The following TNC variants were observed in gnomAD, a reference collection of about 807,000 sequenced individuals.
TNC encodes tenascin.
In TNC, 109 loss-of-function variants were observed where a neutral mutation model predicts 202.4. The ratio of observed to expected loss-of-function variants is 0.54; its 90% CI spans 0.46 to 0.63. TNC has a LOEUF of 0.63. TNC is among the 30% of genes least tolerant of loss of function. TNC has a pLI of 0.00. For synonymous variants in TNC, 1,007 were observed against 1,089.7 expected, an observed-to-expected ratio of 0.92 and a Z score of 1.50; for missense variants, 2,756 against 2,833.3, an observed-to-expected ratio of 0.97 and a Z score of 0.62.
At chr9:115,114,784 T>C (rs10982544) in intron 1 of TNC, among the ~76,000 whole-genome samples, 6,978 of 152,306 alleles carry the variant, frequency 0.046, 213 homozygotes, top group Middle Eastern at 0.14. Flanking sequence ...TGCCCCTCAA[T>C]TACGGAAAGA....
intron 9 of TNC, among the ~76,000 whole-genome samples, chr9:115,075,157 G>A (rs1182800453): frequency 6.6e-6 from 1 of 152,034 alleles, no homozygotes; most frequent in African/African-American, 2.4e-5. Context: ...TGGGGGAGAG[G>A]CAGAGGAGGA....
Position 115,063,139 on chromosome 9 carries a change from C to T in TNC, c.3811G>A (p.Ala1271Thr). 1 of 1,614,180 alleles carries T rather than the reference C, an allele frequency of 6.2e-7. No homozygotes were observed. The highest frequency in any genetic ancestry group is 1.1e-5 in the South Asian group (1 of 91,086). ...GGCGTGGTCCAGTTCAGTCTGAGAGCATCCCAGCTAACCTCGGTCACTGTG... is the reference window on the plus strand; with the variant it reads ...GGCGTGGTCCAGTTCAGTCTGAGAGTATCCCAGCTAACCTCGGTCACTGTG... ...NLTVTEVSWD[A>T]LRLNWTTPDG... Residue 1271 changes from alanine (A) to threonine (T), a missense_variant, in exon 13 of 28, where the codon GCT becomes ACT. Around this residue, in one of 2 missense-constraint regions of TNC, gnomAD observed 2,559 missense variants for 2,546.0 expected, o/e 1.01. Coordinates refer to ENST00000350763, the MANE Select transcript of TNC (RefSeq NM_002160.4).
In TNC at chr9:115,081,653, A is replaced by T. The variant is rs60321273; in HGVS notation, c.2404+119T>A. 2.6e-3 allele frequency: 3,156 copies of T among 1,208,326 alleles called. 52 individuals are homozygous for T. In the African/African-American group the frequency reaches 0.043, roughly 16 times the overall value. 74.9% of individuals were successfully genotyped at this position (1,208,326 alleles called of 1,614,324 possible). A position where few individuals can be genotyped will look rare whatever the true frequency, so the allele number is the denominator to read the frequency against. ...TTTAAACCACTGTATCTGGATTTTT[A>T]AAAATGCAGCAAAAGTTAAATGATG... On this transcript the variant is annotated intron_variant, in intron 6 of 27. Transcript: ENST00000350763.
intron 1 of TNC, among the ~76,000 whole-genome samples, chr9:115,102,078 C>A (rs115487474): frequency 6.6e-6 from 1 of 152,120 alleles, no homozygotes; most frequent in African/African-American, 2.4e-5. Context: ...TATTTGTACC[C>A]TCATTTTGCA....
Position 115,076,141 on chromosome 9 carries a change from G to A in TNC, c.2861-20C>T, listed in dbSNP as rs974124527. ...TCAGACCTAAGGAGAGAATGTGCAA[G>A]TTGAGATTCATCCTGAAATCAGAGA... On this transcript the variant is annotated intron_variant, in intron 8 of 27. Coordinates refer to ENST00000350763, the MANE Select transcript of TNC (RefSeq NM_002160.4). 16 of 1,606,990 alleles carry A rather than the reference G, an allele frequency of 1.0e-5. No homozygotes were observed. The highest frequency in any genetic ancestry group is 1.3e-5 in the African/African-American group (1 of 74,916).
intron 16 of TNC, 57 bp from the exon 17 acceptor site, chr9:115,046,739 G>T: frequency 6.3e-7 from 1 of 1,591,416 alleles, no homozygotes; most frequent in Non-Finnish European, 8.6e-7. Context: ...TTACCAGTCC[G>T]TGCAATCTTC....
intron 25 of TNC, among the ~76,000 whole-genome samples, chr9:115,028,523 G>A (rs1829684643): frequency 6.6e-6 from 1 of 152,050 alleles, no homozygotes; most frequent in South Asian, 2.1e-4. Context: ...ATGACTTAAG[G>A]CTAGGTTAAC....
At chr9:115,077,872 C>T in intron 7 of TNC, 71 bp downstream of exon 7, 2 of 1,513,256 alleles carry the variant, frequency 1.3e-6, no homozygotes, top group South Asian at 2.5e-5. Context: ...GAAGATACCC[C>T]AACATGGAGT....
chr9:115,076,495 C>T lies in TNC; in HGVS notation c.2755G>A (p.Ala919Thr), dbSNP rs1387349312. ...ITLEWRNGKA[A>T]IDSYRIKYAP... ...TACTTAATTCTGTAACTGTCAATAG[C>T]TGCCTTGCCATTCCTCCATTCCAGG... The change falls in exon 8 of 28, where the codon GCT (alanine) becomes ACT (threonine). Residue 919 changes from alanine to threonine, a missense_variant. Ala to Thr is a moderately conservative substitution (Grantham distance 58). This residue lies in a region of TNC where 2,559 missense variants were observed against 2,546.0 expected (regional missense o/e 1.01). Transcript: ENST00000350763. The T allele has an allele frequency of 6.2e-7, 1 of 1,614,222 alleles. No homozygotes were observed. Among genetic ancestry groups the T allele is most frequent in the Admixed American group, 1.7e-5 (1 of 60,028 alleles).
In TNC at chr9:115,069,646, C is replaced by T. The variant is rs1367599199; in HGVS notation, c.3214+3957G>A. Among the ~76,000 whole-genome samples, 7 of 8,116 alleles carry T rather than the reference C, an allele frequency of 8.6e-4. 1 individual carries two copies. The highest frequency in any genetic ancestry group is 2.4e-3 in the African/African-American group (4 of 1,676). 5.3% of individuals were successfully genotyped at this position (8,116 alleles called of 152,430 possible). Reference sequence around the variant, plus strand: ...TCCCTCCCTCCCTCCCTCCCTTCCTCCCTCCCTCCCTCCCTCCCTCCCTTC... The same window carrying T: ...TCCCTCCCTCCCTCCCTCCCTTCCTTCCTCCCTCCCTCCCTCCCTCCCTTC... On this transcript the variant is annotated intron_variant, in intron 10 of 27. Coordinates refer to ENST00000350763, the MANE Select transcript of TNC (RefSeq NM_002160.4).
intron 26 of TNC, 113 bp from the exon 27 acceptor site, chr9:115,024,249 CTTGAACA>C: frequency 9.3e-7 from 1 of 1,077,226 alleles, no homozygotes. Context: ...TGGGACTGGC[CTTGAACA>C]TTGATCCCAG....
intron 11 of TNC, 117 bp downstream of exon 11, chr9:115,064,530 C>G: frequency 7.7e-7 from 1 of 1,299,202 alleles, no homozygotes; most frequent in Non-Finnish European, 1.1e-6. Context: ...ACAATTAGAC[C>G]CCATAGACAT....
intron 1 of TNC, among the ~76,000 whole-genome samples, chr9:115,101,965 G>T (rs1836270870): frequency 6.6e-6 from 1 of 152,158 alleles, no homozygotes; most frequent in Admixed American, 6.5e-5. Context: ...AAGTAATACA[G>T]ATATCATTAA....
At chr9:115,083,047 G>A (rs148656606) in intron 4 of TNC, among the ~76,000 whole-genome samples, 132 of 152,284 alleles carry the variant, frequency 8.7e-4, no homozygotes, top group African/African-American at 3.1e-3. Context: ...TAAAATGAAC[G>A]CAGGCTTTGG....
chr9:115,029,578 T>G, intron 24 of TNC, 122 bp from the exon 25 acceptor site: 1 of 976,622 alleles, frequency 1.0e-6, no homozygotes, highest in Non-Finnish European at 1.6e-6. Flanking sequence ...CCATCCCTAA[T>G]TTGCTATGTA....
intron 11 of TNC, among the ~76,000 whole-genome samples, chr9:115,064,340 T>C (rs1334297093): frequency 6.6e-6 from 1 of 152,222 alleles, no homozygotes; most frequent in Non-Finnish European, 1.5e-5. Flanking sequence ...CCCTTTCATA[T>C]ATAGTGCCTT....
chr9:115,053,513 G>C (rs557958606), intron 15 of TNC, among the ~76,000 whole-genome samples: 5 of 152,336 alleles, frequency 3.3e-5, no homozygotes, highest in Admixed American at 2.0e-4. Flanking sequence ...GGCTGGTTCT[G>C]TCAGTAAACC....
At chr9:115,028,924 GAA>G (rs57737243) in intron 25 of TNC, among the ~76,000 whole-genome samples, 4 of 63,966 alleles carry the variant, frequency 6.3e-5, no homozygotes, top group Admixed American at 2.6e-4. Context: ...CATTATCTCT[GAA>G]AAAAAAAAAA....
Position 115,091,039 on chromosome 9 carries a change from G to T in TNC, c.-21C>A. 6.3e-7 allele frequency: 1 copy of T among 1,598,674 alleles called. No homozygotes were observed. Among genetic ancestry groups the T allele is most frequent in the African/African-American group, 1.3e-5 (1 of 74,928 alleles). On this transcript the variant is annotated 5_prime_UTR_variant, in exon 2 of 28. Coordinates refer to ENST00000350763, the MANE Select transcript of TNC (RefSeq NM_002160.4). ...CCCATGGTGGAGGTGGGTTTGGCTG[G>T]GTGCTGCTGGGGCTCTAGGGCTCTA... is the stretch of plus-strand genomic sequence containing the variant.
Sources: gnomAD v4.1 joint callset for allele counts (sites outside exome capture counted in the v4.1 genomes callset) on GRCh38, gnomAD v4.1.1 for gene constraint, gnomAD v4.1.1 regional missense constraint, MANE v1.5 for transcripts, NCBI Gene and HGNC (gene_info 2026-07-23, HGNC 2026-07-21) for gene names.